Variants in PDXDC1 observed in about 807,000 individuals in gnomAD.
The protein encoded by PDXDC1 is pyridoxal dependent decarboxylase domain containing 1, also known as pyridoxal-dependent decarboxylase domain-containing protein 1.
PDXDC1 carries 42 observed loss-of-function variants against 100.1 expected under a neutral mutation model. That is an observed-to-expected ratio of 0.42 (90% confidence interval 0.33 to 0.54). The LOEUF (loss-of-function observed/expected upper bound fraction) is 0.54. Among genes scored for constraint, PDXDC1 ranks in the 20% least tolerant of loss-of-function variants. The pLI is 0.10. For missense variants in PDXDC1, 636 were observed against 979.2 expected, an observed-to-expected ratio of 0.65 and a Z score of 4.68; for synonymous variants, 260 against 371.7, an observed-to-expected ratio of 0.70 and a Z score of 3.46.
chr16:15,148,773 GCT>G, the PDXDC1 span, among the ~76,000 whole-genome samples: 1 of 152,062 alleles, frequency 6.6e-6, no homozygotes, highest in Non-Finnish European at 1.5e-5. Flanking sequence ...ACCTGCAGGT[GCT>G]CTCTGTCTCC....
intron 16 of PDXDC1, chr16:15,047,995 A>T (rs1555584930): frequency 6.2e-7 from 1 of 1,608,830 alleles, no homozygotes; most frequent in South Asian, 1.1e-5. Flanking sequence ...TTCCTAACCT[A>T]CCATCCTTTG....
At chr16:15,073,605 A>C (rs982179391) in intron 16 of PDXDC1, among the ~76,000 whole-genome samples, 1 of 152,230 alleles carries the variant, frequency 6.6e-6, no homozygotes, top group African/African-American at 2.4e-5. Flanking sequence ...CAAGGTCAGA[A>C]ATGCAAACCC....
chr16:15,062,151 G>C (rs182437026), intron 16 of PDXDC1, among the ~76,000 whole-genome samples: 1 of 152,174 alleles, frequency 6.6e-6, no homozygotes, highest in Non-Finnish European at 1.5e-5. Flanking sequence ...CATGTCTCTA[G>C]AAAAACAGAA....
chr16:15,061,838 C>G lies in PDXDC1; in HGVS notation c.1399+31782C>G. ...CGTGTCAAAGGAGCTTGGTGTGATC[C>G]CAATCACGGTATCATTCTGGGGCAC... On this transcript the variant is annotated intron_variant, in intron 16 of 16. Transcript: ENST00000535621. 2 of 1,614,092 alleles carry G rather than the reference C, an allele frequency of 1.2e-6. No individual in the cohort carries two copies. Among genetic ancestry groups the G allele is most frequent in the Non-Finnish European group, 1.7e-6 (2 of 1,179,924 alleles).
chr16:15,066,989 C>T (rs1430958286), intron 16 of PDXDC1, among the ~76,000 whole-genome samples: 1 of 151,368 alleles, frequency 6.6e-6, no homozygotes, highest in African/African-American at 2.4e-5. Flanking sequence ...CCAGGGGCAG[C>T]GGCCTCTGCT....
intron 16 of PDXDC1, among the ~76,000 whole-genome samples, chr16:15,122,956 G>C (rs1187708215): frequency 1.3e-5 from 2 of 150,376 alleles, no homozygotes; most frequent in Non-Finnish European, 3.0e-5. Context: ...GAAAGGATCC[G>C]GTTCAAATTA....
intron 7 of PDXDC1, among the ~76,000 whole-genome samples, chr16:15,009,070 C>T (rs1226635872): frequency 6.6e-6 from 1 of 152,284 alleles, no homozygotes; most frequent in South Asian, 2.1e-4. Context: ...CTTGTAATTA[C>T]TGTATCACCT....
Position 15,013,861 on chromosome 16 carries a change from AG to A in PDXDC1, c.728-2265del, listed in dbSNP as rs2041553470. ...CCGCACTGTAGCCTGGGCGACAGAA[AG>A]GGTCTCTGTCTCAAAAAAAAAAAAA... On this transcript the variant is annotated intron_variant, in intron 8 of 22. Coordinates refer to ENST00000396410, the MANE Select transcript of PDXDC1 (RefSeq NM_015027.4). Among the ~76,000 whole-genome samples the A allele has an allele frequency of 6.2e-5, 9 of 145,574 alleles. No individual in the cohort carries two copies. In the South Asian group the frequency reaches 2.1e-3, roughly 33 times the overall value.
intron 1 of PDXDC1, among the ~76,000 whole-genome samples, chr16:14,991,531 T>A (rs1279934916): frequency 6.6e-6 from 1 of 151,502 alleles, no homozygotes; most frequent in Non-Finnish European, 1.5e-5. Flanking sequence ...TGTCTATTTT[T>A]TTTTTTTTTT....
Position 15,127,785 on chromosome 16 carries a change from G to A in PDXDC1, c.1400-11094G>A, listed in dbSNP as rs1567298495. The A allele has an allele frequency of 3.9e-6, 6 of 1,555,886 alleles. No homozygotes were observed. The South Asian group carries it at 7.1e-5, about 18-fold the overall frequency. On this transcript the variant is annotated intron_variant, in intron 16 of 16. Transcript: ENST00000535621. ...AGCAGGTGGCCCTCTGGATGCGAGT[G>A]AAACAGCTACGAGGCGGCCGGTCCC...
rs754869744 is a variant in PDXDC1 at position 15,063,259 on chromosome 16, A to G, written c.1399+33203A>G. On this transcript the variant is annotated intron_variant, in intron 16 of 16. Coordinates refer to the PDXDC1 transcript ENST00000535621. Reference sequence around the variant, plus strand: ...CACTCATGTCTTCCCACACCTGATAAATAGGATCAATGAATTTCTTTGACC... The same window carrying G: ...CACTCATGTCTTCCCACACCTGATAGATAGGATCAATGAATTTCTTTGACC... 2.5e-6 allele frequency: 4 copies of G among 1,613,240 alleles called. No individual in the cohort carries two copies. The African/African-American group carries it at 5.3e-5, about 22-fold the overall frequency.
Position 15,038,068 on chromosome 16 carries a change from T to C in PDXDC1, c.*1793T>C, listed in dbSNP as rs2043607187. On this transcript the variant is annotated 3_prime_UTR_variant, in exon 23 of 23. Transcript: ENST00000396410. ...AGAAGAGATCTTTTCCCACAAGCCA[T>C]CTTCATTTTTTTTGTAGAGTAGGGC... 1 of 1,612,606 alleles carries C rather than the reference T, an allele frequency of 6.2e-7. No homozygotes were observed. The highest frequency in any genetic ancestry group is 8.5e-7 in the Non-Finnish European group (1 of 1,179,496).
At chr16:15,148,370 A>ATTTTTTTTT in the PDXDC1 span, among the ~76,000 whole-genome samples, 47 of 34,118 alleles carry the variant, frequency 1.4e-3, 9 homozygotes, top group African/African-American at 3.9e-3. Context: ...AGATCCTGTG[A>ATTTTTTTTT]TTTTTTTTTT....
At chr16:15,041,868 G>A (rs1245935048), downstream of PDXDC1, among the ~76,000 whole-genome samples, 1 of 152,194 alleles carries the variant, frequency 6.6e-6, no homozygotes, top group East Asian at 1.9e-4. Flanking sequence ...AACCCTGACC[G>A]CCAGGAGATG....
At chr16:15,034,155 T>C (rs1269476785) in intron 19 of PDXDC1, 131 bp from the exon 20 acceptor site, 12 of 723,870 alleles carry the variant, frequency 1.7e-5, no homozygotes, top group Non-Finnish European at 2.8e-5. Context: ...TCTGTTCGTT[T>C]TACGCCGGCT....
At chr16:15,034,128 C>T (rs2043243660) in intron 19 of PDXDC1, 158 bp from the exon 20 acceptor site, 1 of 632,762 alleles carries the variant, frequency 1.6e-6, no homozygotes, top group Admixed American at 2.6e-5. Context: ...AGCATGTTAT[C>T]TGCTTGTCTT....
chr16:15,148,028 A>G, the PDXDC1 span, among the ~76,000 whole-genome samples: 2 of 148,454 alleles, frequency 1.3e-5, no homozygotes, highest in African/African-American at 5.0e-5. Context: ...TTTCCTAGTC[A>G]CCCAGGCTGG....
chr16:15,075,067 T>A (rs571360508), intron 16 of PDXDC1, among the ~76,000 whole-genome samples: 12 of 148,526 alleles, frequency 8.1e-5, no homozygotes, highest in Admixed American at 7.3e-4. Flanking sequence ...CTGGCCAACA[T>A]GGTAAAACTC....
At chr16:15,003,408 G>A (rs533240803) in intron 4 of PDXDC1, among the ~76,000 whole-genome samples, 479 of 151,976 alleles carry the variant, frequency 3.2e-3, no homozygotes, top group Admixed American at 5.1e-3. Flanking sequence ...AGTAGAGATG[G>A]GGTTTCACCA....
Sources: allele counts gnomAD v4.1 joint callset (sites outside exome capture counted in the v4.1 genomes callset), GRCh38; gene constraint gnomAD v4.1.1; transcripts MANE v1.5; gene names NCBI Gene and HGNC (gene_info 2026-07-23, HGNC 2026-07-21).